MGAT4A: variants seen among roughly 807,000 people sequenced by gnomAD.
The protein encoded by MGAT4A is alpha-1,3-mannosyl-glycoprotein 4-beta-N-acetylglucosaminyltransferase A, also known as N-acetylglucosaminyltransferase IVa.
MGAT4A carries 33 observed loss-of-function variants against 74.1 expected under a neutral mutation model. That is an observed-to-expected ratio of 0.45 (90% CI 0.34 to 0.60). The LOEUF is 0.60. MGAT4A is among the 20% of genes least tolerant of loss of function. MGAT4A has a pLI of 0.02. For synonymous variants in MGAT4A, 198 were observed against 210.4 expected (o/e 0.94, Z 0.51); for missense variants, 479 against 628.3 (o/e 0.76, Z 2.54).
Position 98,623,587 on chromosome 2 carries a change from T to G in MGAT4A, c.*1979A>C. On this transcript the variant is annotated 3_prime_UTR_variant, in exon 16 of 16. Transcript: ENST00000393487. ...CAAGGAAATTTGAGAAGAAAAAAATTCAAGAAAGTGAAAAGTAAATTTAAA... is the reference window on the plus strand; with the variant it reads ...CAAGGAAATTTGAGAAGAAAAAAATGCAAGAAAGTGAAAAGTAAATTTAAA... 1 of 985,256 alleles carries G rather than the reference T, an allele frequency of 1.0e-6. No individual in the cohort carries two copies. Among genetic ancestry groups the G allele is most frequent in the South Asian group, 4.7e-5 (1 of 21,284 alleles). The allele number at this position is 985,256 out of a possible 1,614,324, so 61.0% of individuals were successfully genotyped here.
At chr2:98,663,024 A>C in intron 5 of MGAT4A, 22 bp downstream of exon 5, 1 of 1,456,510 alleles carries the variant, frequency 6.9e-7, no homozygotes, top group Non-Finnish European at 9.2e-7. Flanking sequence ...TGGTAAAAAC[A>C]TAACAACAAT....
intron 2 of MGAT4A, among the ~76,000 whole-genome samples, chr2:98,678,763 G>A (rs1283095919): frequency 2.0e-5 from 3 of 152,002 alleles, no homozygotes; most frequent in Non-Finnish European, 4.4e-5. Context: ...ATGATAAAAG[G>A]TTTTAGAATA....
intron 2 of MGAT4A, among the ~76,000 whole-genome samples, chr2:98,691,322 T>A (rs931493141): frequency 2.0e-5 from 3 of 151,876 alleles, no homozygotes; most frequent in Non-Finnish European, 2.9e-5. Flanking sequence ...GGTAACGTAG[T>A]CCCAGCTACT....
rs1701642760 is a variant in MGAT4A at position 98,655,368 on chromosome 2, C to T, written c.774+77G>A. On this transcript the variant is annotated intron_variant, in intron 8 of 15. Coordinates refer to ENST00000393487, the MANE Select transcript of MGAT4A (RefSeq NM_012214.3). ...CAGAGGGTTTGCACTTTCAAAACTT[C>T]CTGTTTTAATGAAAACATACCCTTG... 3 of 1,129,636 alleles carry T rather than the reference C, an allele frequency of 2.7e-6. No homozygotes were observed. The South Asian group carries it at 4.4e-5, about 17-fold the overall frequency. The allele number at this position is 1,129,636 out of a possible 1,614,324, so 70.0% of individuals were successfully genotyped here. A position where few individuals can be genotyped will look rare whatever the true frequency, so the allele number is the denominator to read the frequency against.
intron 2 of MGAT4A, among the ~76,000 whole-genome samples, chr2:98,685,924 G>C (rs1559168919): frequency 6.6e-6 from 1 of 152,058 alleles, no homozygotes; most frequent in African/African-American, 2.4e-5. Context: ...TTCTAGACTC[G>C]AGCAACCTAG....
chr2:98,705,044 G>A (rs910224204), intron 2 of MGAT4A, among the ~76,000 whole-genome samples: 3 of 152,060 alleles, frequency 2.0e-5, no homozygotes, highest in East Asian at 3.9e-4. Context: ...CTAGCTTTCC[G>A]ATAAGGAAAC....
intron 9 of MGAT4A, among the ~76,000 whole-genome samples, chr2:98,644,974 C>A (rs985593613): frequency 6.6e-6 from 1 of 152,166 alleles, no homozygotes; most frequent in Non-Finnish European, 1.5e-5. Flanking sequence ...TTTGAAACAT[C>A]AGCCAAAAAC....
At chr2:98,718,981 T>C (rs1702628756) in intron 2 of MGAT4A, among the ~76,000 whole-genome samples, 1 of 152,184 alleles carries the variant, frequency 6.6e-6, no homozygotes, top group Non-Finnish European at 1.5e-5. Flanking sequence ...TCAGAAATCC[T>C]GCCTGGTACC....
chr2:98,632,904 C>T (rs1173336632), intron 14 of MGAT4A, among the ~76,000 whole-genome samples: 1 of 152,224 alleles, frequency 6.6e-6, no homozygotes, highest in Non-Finnish European at 1.5e-5. Flanking sequence ...GAACTACAGG[C>T]ATGCACCACC....
intron 2 of MGAT4A, among the ~76,000 whole-genome samples, chr2:98,706,979 G>C (rs1341729625): frequency 2.6e-5 from 4 of 151,974 alleles, no homozygotes; most frequent in African/African-American, 9.7e-5. Flanking sequence ...ACTTTGGGAG[G>C]CCAAGGCAGG....
intron 8 of MGAT4A, among the ~76,000 whole-genome samples, chr2:98,648,310 C>T (rs1701524840): frequency 6.6e-6 from 1 of 152,040 alleles, no homozygotes; most frequent in African/African-American, 2.4e-5. Context: ...ACCAGCCTGG[C>T]CAACATGGTG....
At chr2:98,640,372 G>A (rs891837778) in intron 10 of MGAT4A, 144 bp from the exon 11 acceptor site, 13 of 655,898 alleles carry the variant, frequency 2.0e-5, no homozygotes, top group Non-Finnish European at 3.4e-5. Flanking sequence ...CATGTTGAAA[G>A]GCCAAGGCAG....
At chr2:98,683,187 G>A (rs1257524918) in intron 2 of MGAT4A, among the ~76,000 whole-genome samples, 1 of 152,186 alleles carries the variant, frequency 6.6e-6, no homozygotes, top group Admixed American at 6.5e-5. Flanking sequence ...AGGAGTAAGA[G>A]AAACTAAATG....
intron 4 of MGAT4A, among the ~76,000 whole-genome samples, chr2:98,672,931 G>A (rs1166418316): frequency 6.6e-6 from 1 of 152,070 alleles, no homozygotes; most frequent in African/African-American, 2.4e-5. Flanking sequence ...ATCATATTCA[G>A]TTTGTTCTGC....
intron 2 of MGAT4A, among the ~76,000 whole-genome samples, chr2:98,696,857 C>T (rs1015632490): frequency 3.3e-5 from 5 of 152,130 alleles, no homozygotes; most frequent in East Asian, 1.9e-4. Flanking sequence ...CATTAAGAAA[C>T]GGGTGAATTT....
intron 10 of MGAT4A, among the ~76,000 whole-genome samples, chr2:98,641,263 G>A (rs2104236038): frequency 6.6e-6 from 1 of 152,248 alleles, no homozygotes; most frequent in South Asian, 2.1e-4. Flanking sequence ...GCTCACGCCT[G>A]CAATACCAGC....
chr2:98,717,341 T>C (rs1265028221), intron 2 of MGAT4A, among the ~76,000 whole-genome samples: 1 of 150,282 alleles, frequency 6.7e-6, no homozygotes, highest in African/African-American at 2.5e-5. Context: ...ATCGTGCCAC[T>C]GCACTGCAGC....
intron 14 of MGAT4A, among the ~76,000 whole-genome samples, chr2:98,628,057 AT>A (rs532761459): frequency 2.1e-4 from 32 of 151,380 alleles, no homozygotes; most frequent in African/African-American, 6.3e-4. Flanking sequence ...CTCCACAAGT[AT>A]TTTTTTTTAG....
At chr2:98,683,488 C>T (rs2104295451) in intron 2 of MGAT4A, among the ~76,000 whole-genome samples, 1 of 152,092 alleles carries the variant, frequency 6.6e-6, no homozygotes, top group African/African-American at 2.4e-5. Flanking sequence ...AAAATGTTCA[C>T]AATAGGTGAA....
Sources: gnomAD v4.1 joint callset for allele counts (sites outside exome capture counted in the v4.1 genomes callset) on GRCh38, gnomAD v4.1.1 for gene constraint, MANE v1.5 for transcripts, NCBI Gene and HGNC (gene_info 2026-07-23, HGNC 2026-07-21) for gene names.